The following DENND2B variants were observed in gnomAD, a reference collection of about 807,000 sequenced individuals.
The protein encoded by DENND2B is DENN domain containing 2B, also known as DENN domain-containing protein 2B.
In DENND2B, 32 loss-of-function variants were observed where a neutral mutation model predicts 116.0. The observed-to-expected ratio is 0.28, with a 90% CI of 0.21 to 0.37. The LOEUF (loss-of-function observed/expected upper bound fraction) is 0.37, where lower values mean the gene tolerates loss of function less well. Among genes scored for constraint, DENND2B ranks in the 10% least tolerant of loss-of-function variants. The pLI is 1.00. For synonymous variants in DENND2B, 588 were observed against 583.9 expected, an observed-to-expected ratio of 1.01 and a Z score of -0.10; for missense variants, 1,276 against 1,477.7, an observed-to-expected ratio of 0.86 and a Z score of 2.24.
intron 1 of DENND2B, among the ~76,000 whole-genome samples, chr11:8,793,564 T>C (rs1384548150): frequency 6.6e-6 from 1 of 152,244 alleles, no homozygotes. Flanking sequence ...TGTATTACTG[T>C]GTTTATACAT....
upstream of DENND2B, among the ~76,000 whole-genome samples, chr11:8,813,742 C>T (rs116951684): frequency 6.6e-6 from 1 of 152,086 alleles, no homozygotes; most frequent in East Asian, 1.9e-4. Context: ...CAAACCAGAC[C>T]CAGAATGCGG....
chr11:8,879,447 C>A (rs2063879009), intron 2 of DENND2B, among the ~76,000 whole-genome samples: 4 of 152,150 alleles, frequency 2.6e-5, no homozygotes, highest in Non-Finnish European at 5.9e-5. Context: ...AGGATCAGAT[C>A]TAGGAAGGAT....
chr11:8,856,752 C>CT (rs397961269), intron 3 of DENND2B, among the ~76,000 whole-genome samples: 39,050 of 143,364 alleles, frequency 0.27, 5,497 homozygotes, highest in East Asian at 0.53. Flanking sequence ...TCACTATTTT[C>CT]TTTTTTTTTT....
intron 11 of DENND2B, 67 bp downstream of exon 11, chr11:8,710,777 AC>A: frequency 1.4e-6 from 2 of 1,395,654 alleles, no homozygotes; most frequent in Non-Finnish European, 2.0e-6. Flanking sequence ...ACACACACAC[AC>A]ACACACACAC....
At chr11:8,764,942 CAAA>C (rs35421038) in intron 1 of DENND2B, among the ~76,000 whole-genome samples, 1,809 of 100,166 alleles carry the variant, frequency 0.018, 25 homozygotes, top group African/African-American at 0.066. Context: ...GAGACTGTCT[CAAA>C]AAAAAAAAAA....
At chr11:8,803,914 CG>C (rs1458576153) in intron 1 of DENND2B, among the ~76,000 whole-genome samples, 2 of 152,160 alleles carry the variant, frequency 1.3e-5, no homozygotes, top group Non-Finnish European at 2.9e-5. Context: ...AGGCAGAGGC[CG>C]GGGTCTGGAG....
chr11:8,795,478 C>A (rs1324160269), intron 1 of DENND2B, among the ~76,000 whole-genome samples: 1 of 152,166 alleles, frequency 6.6e-6, no homozygotes, highest in African/African-American at 2.4e-5. Context: ...AATTGGTTAA[C>A]AAGCTCTCCA....
At chr11:8,858,980 GGGAA>G (rs2063293135) in intron 2 of DENND2B, among the ~76,000 whole-genome samples, 1 of 152,200 alleles carries the variant, frequency 6.6e-6, no homozygotes, top group African/African-American at 2.4e-5. Flanking sequence ...TTCAAAGCCA[GGGAA>G]TCACCTAAGA....
At chr11:8,838,440 G>A (rs1483330452) in intron 4 of DENND2B, among the ~76,000 whole-genome samples, 1 of 152,200 alleles carries the variant, frequency 6.6e-6, no homozygotes, top group Non-Finnish European at 1.5e-5. Context: ...TCCGTTATAG[G>A]AGAAACATCT....
intron 4 of DENND2B, chr11:8,718,318 T>A (rs907565711): frequency 2.7e-6 from 4 of 1,503,394 alleles, no homozygotes; most frequent in Non-Finnish European, 3.6e-6. Context: ...CACATGGCTG[T>A]CCCTTCACCC....
intron 1 of DENND2B, among the ~76,000 whole-genome samples, chr11:8,902,914 C>T (rs1275654087): frequency 1.3e-5 from 2 of 152,170 alleles, no homozygotes; most frequent in African/African-American, 4.8e-5. Flanking sequence ...CATTTGATCA[C>T]AGTGGTGCAA....
chr11:8,900,053 G>A (rs961426055), intron 1 of DENND2B, among the ~76,000 whole-genome samples: 2 of 152,134 alleles, frequency 1.3e-5, no homozygotes, highest in Non-Finnish European at 2.9e-5. Context: ...CACTTTAGGA[G>A]GCCGAGATGG....
At position 8,693,943 on chromosome 11, in the gene DENND2B, T is replaced by G. The variant is rs1450724172; in HGVS notation, c.*153A>C. ...TACAGCAGATTATTTACAAACAGTATCCTGGGATATGATGAAGGCAGAGGT... is the reference window on the plus strand; with the variant it reads ...TACAGCAGATTATTTACAAACAGTAGCCTGGGATATGATGAAGGCAGAGGT... On this transcript the variant is annotated 3_prime_UTR_variant, in exon 20 of 20. Transcript: ENST00000313726. 4 of 687,938 alleles carry G rather than the reference T, an allele frequency of 5.8e-6. No individual in the cohort carries two copies. Among genetic ancestry groups the G allele is most frequent in the African/African-American group, 1.8e-5 (1 of 55,628 alleles). The allele number at this position is 687,938 out of a possible 1,614,324, so 42.6% of individuals were successfully genotyped here.
At chr11:8,804,467 C>G (rs1308270073) in intron 1 of DENND2B, among the ~76,000 whole-genome samples, 1 of 151,678 alleles carries the variant, frequency 6.6e-6, no homozygotes, top group Admixed American at 6.6e-5. Context: ...TTATTACACA[C>G]CCAGGACTGC....
At chr11:8,907,423 A>G (rs1423818828) in intron 1 of DENND2B, among the ~76,000 whole-genome samples, 2 of 152,218 alleles carry the variant, frequency 1.3e-5, no homozygotes, top group Non-Finnish European at 2.9e-5. Context: ...GATAAAAAGG[A>G]ATCTCTCAAG....
At chr11:8,757,238 A>G in intron 1 of DENND2B, 2 of 367,400 alleles carry the variant, frequency 5.4e-6, no homozygotes, top group Non-Finnish European at 1.1e-5. Context: ...CCTACCTCCC[A>G]TGATTGCCCT....
intron 6 of DENND2B, 185 bp from the exon 7 acceptor site, chr11:8,714,891 G>T: frequency 1.7e-6 from 1 of 579,074 alleles, no homozygotes; most frequent in Middle Eastern, 4.5e-4. Context: ...ATGCATGGTA[G>T]CTCTCCATAT....
At chr11:8,781,615 T>TACAC (rs35118063) in intron 1 of DENND2B, among the ~76,000 whole-genome samples, 71 of 148,914 alleles carry the variant, frequency 4.8e-4, no homozygotes, top group South Asian at 2.6e-3. Context: ...AATTTAGGAA[T>TACAC]ACACACACAC....
At chr11:8,852,827 G>A (rs1030672155) in intron 3 of DENND2B, among the ~76,000 whole-genome samples, 1 of 152,194 alleles carries the variant, frequency 6.6e-6, no homozygotes, top group Non-Finnish European at 1.5e-5. Flanking sequence ...GCTGCATTCT[G>A]GCAAAAGAGG....
Sources: allele counts gnomAD v4.1 joint callset (sites outside exome capture counted in the v4.1 genomes callset), GRCh38; gene constraint gnomAD v4.1.1; transcripts MANE v1.5; gene names NCBI Gene and HGNC (gene_info 2026-07-23, HGNC 2026-07-21).